The following ZGRF1 variants were observed in gnomAD, a reference collection of about 807,000 sequenced individuals.
ZGRF1 encodes the protein 5'-3' DNA helicase ZGRF1.
A neutral mutation model predicts 203.5 loss-of-function variants in ZGRF1; 196 were observed. The observed-to-expected ratio is 0.96, with a 90% confidence interval of 0.86 to 1.08. The LOEUF (loss-of-function observed/expected upper bound fraction) is 1.08, where lower values mean the gene tolerates loss of function less well. ZGRF1 is among the 50% of genes least tolerant of loss of function. The pLI is 0.00. For synonymous variants in ZGRF1, 809 were observed against 841.3 expected, an observed-to-expected ratio of 0.96 and a Z score of 0.66; for missense variants, 2,326 against 2,416.3, an observed-to-expected ratio of 0.96 and a Z score of 0.78.
At position 112,580,090 on chromosome 4, in the gene ZGRF1, T is replaced by C. The variant is rs1310102231; in HGVS notation, c.4438+1573A>G. On this transcript the variant is annotated intron_variant, in intron 16 of 27. Transcript: ENST00000505019. ...GTACCAAAACAGAGATATAGACCAA[T>C]GGAACAGAACAGAGCCCTCAGAAAT... 9.1e-5 allele frequency among the ~76,000 whole-genome samples: 11 copies of C among 121,546 alleles called. 2 individuals are homozygous for C. Among genetic ancestry groups the C allele is most frequent in the African/African-American group, 3.1e-4 (11 of 34,970 alleles). 79.7% of individuals were successfully genotyped at this position (121,546 alleles called of 152,430 possible). A position where few individuals can be genotyped will look rare whatever the true frequency, so the allele number is the denominator to read the frequency against.
chr4:112,614,747 A>C (rs60291461), intron 6 of ZGRF1, among the ~76,000 whole-genome samples: 140 of 152,238 alleles, frequency 9.2e-4, no homozygotes, highest in African/African-American at 3.2e-3. Flanking sequence ...GAATTGCTTA[A>C]ACCCAGGAGG....
chr4:112,632,350 CTA>C (rs1251370605), intron 2 of ZGRF1, among the ~76,000 whole-genome samples: 1 of 151,968 alleles, frequency 6.6e-6, no homozygotes, highest in African/African-American at 2.4e-5. Context: ...TTTGAGCTCC[CTA>C]GTCATCAATT....
At chr4:112,620,568 A>G (rs1001213661) in intron 4 of ZGRF1, among the ~76,000 whole-genome samples, 2 of 152,172 alleles carry the variant, frequency 1.3e-5, no homozygotes, top group African/African-American at 2.4e-5. Flanking sequence ...TTTTATTTTA[A>G]ATTAGCCTGG....
intron 3 of ZGRF1, among the ~76,000 whole-genome samples, chr4:112,631,665 C>A (rs2149213647): frequency 6.6e-6 from 1 of 152,176 alleles, no homozygotes; most frequent in East Asian, 1.9e-4. Context: ...GAGTAAGACT[C>A]TGTCTCAAAA....
chr4:112,608,551 C>T (rs186082898), intron 8 of ZGRF1, among the ~76,000 whole-genome samples: 5 of 150,724 alleles, frequency 3.3e-5, no homozygotes, highest in African/African-American at 1.2e-4. Flanking sequence ...ACCCAGGAGG[C>T]GGAGGTTGCG....
At chr4:112,622,163 T>C (rs779734055) in intron 4 of ZGRF1, among the ~76,000 whole-genome samples, 79 of 152,216 alleles carry the variant, frequency 5.2e-4, no homozygotes, top group Non-Finnish European at 2.8e-4. Flanking sequence ...AATTTCAAAA[T>C]GAATATTATG....
At position 112,540,941 on chromosome 4, in the gene ZGRF1, G is replaced by A; in HGVS notation, c.5790C>T (p.Asn1930=). ...VKGLEQIERD[N]SFHNVAEATF... ...TAGCTTCTGCCACATTATGAAAGCT[G>A]TTATCTCTTTCTATCTGGAGTAAGA... is the stretch of plus-strand genomic sequence containing the variant. The change falls in exon 26 of 28, where the codon AAC becomes AAT. Residue 1930 remains asparagine (N), a synonymous_variant. Coordinates refer to ENST00000505019, the MANE Select transcript of ZGRF1 (RefSeq NM_018392.5). 6.4e-7 allele frequency: 1 copy of A among 1,571,146 alleles called. No individual in the cohort carries two copies. The highest frequency in any genetic ancestry group is 8.6e-7 in the Non-Finnish European group (1 of 1,156,274).
chr4:112,605,731 A>G (rs1750670428), intron 9 of ZGRF1: 5 of 369,258 alleles, frequency 1.4e-5, no homozygotes, highest in South Asian at 1.2e-4. Flanking sequence ...ATTTTACTCT[A>G]CATGGCTTTG....
chr4:112,595,445 T>C (rs1748838357), intron 10 of ZGRF1, among the ~76,000 whole-genome samples: 1 of 152,056 alleles, frequency 6.6e-6, no homozygotes, highest in African/African-American at 2.4e-5. Context: ...CAACACAGCA[T>C]AGTGGCTCAC....
At chr4:112,635,219 G>A (rs1169193839) in intron 1 of ZGRF1, among the ~76,000 whole-genome samples, 1 of 151,396 alleles carries the variant, frequency 6.6e-6, no homozygotes, top group Admixed American at 6.6e-5. Flanking sequence ...AGAATGCCAA[G>A]AAGATAAAAG....
At chr4:112,622,569 G>A (rs1387921509) in intron 4 of ZGRF1, among the ~76,000 whole-genome samples, 1 of 150,388 alleles carries the variant, frequency 6.6e-6, no homozygotes, top group Admixed American at 6.6e-5. Flanking sequence ...AAACTGCTAG[G>A]CACTTTACAG....
At chr4:112,559,838 T>TA (rs1387247110) in intron 19 of ZGRF1, among the ~76,000 whole-genome samples, 2 of 152,180 alleles carry the variant, frequency 1.3e-5, no homozygotes, top group African/African-American at 4.8e-5. Context: ...CCCACACTCT[T>TA]ACCCACTAGG....
chr4:112,539,945 T>C lies in ZGRF1; in HGVS notation c.6090A>G (p.Gly2030=), dbSNP rs770062764. ...EKRMNVALTR[G]KRHLLIVGNL... ...TTCCCACAATCAACAAATGCCTCTT[T>C]CCTCTAGTCAATGCAACATTCATTC... The change falls in exon 27 of 28, where the codon GGA becomes GGG. Residue 2030 remains glycine, a synonymous_variant. Transcript: ENST00000505019. 2.7e-5 allele frequency: 43 copies of C among 1,613,768 alleles called. No homozygotes were observed. Among genetic ancestry groups the C allele is most frequent in the Non-Finnish European group, 3.6e-5 (42 of 1,179,822 alleles).
chr4:112,616,998 ATGG>A (rs1160958122), intron 6 of ZGRF1, among the ~76,000 whole-genome samples: 1 of 151,902 alleles, frequency 6.6e-6, no homozygotes, highest in African/African-American at 2.4e-5. Context: ...TTAGCTAAGC[ATGG>A]TGGTGCATGC....
chr4:112,563,821 T>C (rs1441860444), intron 16 of ZGRF1, among the ~76,000 whole-genome samples: 1 of 152,194 alleles, frequency 6.6e-6, no homozygotes, highest in Non-Finnish European at 1.5e-5. Flanking sequence ...ACAGCACCAG[T>C]GAATAACCAG....
At chr4:112,547,157 G>A in intron 24 of ZGRF1, 128 bp downstream of exon 24, 1 of 952,066 alleles carries the variant, frequency 1.1e-6, no homozygotes, top group African/African-American at 1.7e-5. Context: ...TTACTTTCCA[G>A]ACAACTCCAA....
At chr4:112,598,373 A>C (rs1204472805) in intron 10 of ZGRF1, among the ~76,000 whole-genome samples, 2 of 152,196 alleles carry the variant, frequency 1.3e-5, no homozygotes, top group African/African-American at 4.8e-5. Context: ...GAAAAACCCA[A>C]AGTTATAAAG....
chr4:112,586,239 CAA>C (rs71597606), intron 13 of ZGRF1, among the ~76,000 whole-genome samples: 1 of 141,244 alleles, frequency 7.1e-6, no homozygotes. Flanking sequence ...GATCCTGTCT[CAA>C]AAAAAAAAAA....
At chr4:112,581,862 A>G (rs1471569604) in intron 15 of ZGRF1, 60 bp from the exon 16 acceptor site, 25 of 856,000 alleles carry the variant, frequency 2.9e-5, no homozygotes, top group Non-Finnish European at 4.0e-5. Flanking sequence ...TTTTTTGAAA[A>G]TCTTTAAAAT....
Sources: allele counts gnomAD v4.1 joint callset (sites outside exome capture counted in the v4.1 genomes callset), GRCh38; gene constraint gnomAD v4.1.1; transcripts MANE v1.5; gene names NCBI Gene and HGNC (gene_info 2026-07-23, HGNC 2026-07-21).